The following UHRF1 variants were observed in gnomAD, a reference collection of about 807,000 sequenced individuals.
UHRF1 encodes E3 ubiquitin-protein ligase UHRF1.
UHRF1 carries 9 observed loss-of-function variants against 96.5 expected under a neutral mutation model. The observed-to-expected ratio is 0.09, with a 90% CI of 0.06 to 0.16. The LOEUF is 0.16. Among genes scored for constraint, UHRF1 ranks in the 10% least tolerant of loss-of-function variants. The probability of loss-of-function intolerance (pLI) is 1.00; values close to 1 mark genes in which losing one functional copy is unlikely to be tolerated. For missense variants in UHRF1, 626 were observed against 1,131.1 expected, an observed-to-expected ratio of 0.55 and a Z score of 6.40; for synonymous variants, 455 against 469.9, an observed-to-expected ratio of 0.97 and a Z score of 0.41.
chr19:4,951,586 G>T (rs1415269013), intron 13 of UHRF1, among the ~76,000 whole-genome samples: 1 of 151,540 alleles, frequency 6.6e-6, no homozygotes, highest in African/African-American at 2.4e-5. Flanking sequence ...TCCGCCTGCC[G>T]CATCTCAGAG....
chr19:4,956,617 G>C (rs1164095446), intron 15 of UHRF1, 92 bp from the exon 16 acceptor site: 4 of 788,958 alleles, frequency 5.1e-6, no homozygotes, highest in Non-Finnish European at 8.8e-6. Flanking sequence ...GACAGAATTA[G>C]AGGACCCAGG....
rs902422836 is a variant in UHRF1, at chr19:4,930,911, A to G, written c.569+35A>G. The stretch of plus-strand genomic sequence containing the variant: ...GGCAGGTGGGCGGGCCTGGGTATTC[A>G]GGCTCTGTGACGCGCATCCTTGGCT... On this transcript the variant is annotated intron_variant, in intron 4 of 16. Coordinates refer to ENST00000650932, the MANE Select transcript of UHRF1 (RefSeq NM_001048201.3). This position sits in a 1 kb window ranked among gnomAD's most constrained non-coding sequence, Gnocchi z 4.4. 29 of 1,610,794 alleles carry G rather than the reference A, an allele frequency of 1.8e-5. No individual in the cohort carries two copies. Among genetic ancestry groups the G allele is most frequent in the Non-Finnish European group, 2.4e-5 (28 of 1,177,942 alleles).
chr19:4,920,654 C>T (rs1220081646), intron 2 of UHRF1, among the ~76,000 whole-genome samples: 2 of 152,104 alleles, frequency 1.3e-5, no homozygotes, highest in Non-Finnish European at 2.9e-5. Context: ...CCTGGGCTCC[C>T]CTGACCCTCC....
rs558414869 is a variant in UHRF1, at chr19:4,939,006, C to T, written c.786-2522C>T. 3.8e-4 allele frequency among the ~76,000 whole-genome samples: 57 copies of T among 151,670 alleles called. No homozygotes were observed. The East Asian group carries it at 8.2e-3, about 22-fold the overall frequency. ...TTGGTTCCCTGCAACCTCCACCTCC[C>T]GGGTTCAAGCGATTCTCCTGCTTTA... On this transcript the variant is annotated intron_variant, in intron 5 of 16. Coordinates refer to ENST00000650932, the MANE Select transcript of UHRF1 (RefSeq NM_001048201.3).
chr19:4,916,682 T>C (rs1008942639), intron 2 of UHRF1, among the ~76,000 whole-genome samples: 11 of 152,216 alleles, frequency 7.2e-5, no homozygotes, highest in Non-Finnish European at 1.6e-4. Flanking sequence ...CCTCCGTGTC[T>C]AGGATCCTCC....
chr19:4,914,342 C>A (rs571986182), intron 2 of UHRF1, among the ~76,000 whole-genome samples: 42 of 152,218 alleles, frequency 2.8e-4, no homozygotes, highest in African/African-American at 1.0e-3. Context: ...AACACAGTTC[C>A]CGGTGGGCAC....
intron 5 of UHRF1, among the ~76,000 whole-genome samples, chr19:4,934,617 T>C (rs555750893): frequency 1.4e-4 from 22 of 152,352 alleles, no homozygotes; most frequent in Middle Eastern, 6.8e-3. Flanking sequence ...CATCAGGCTG[T>C]AGCCTGGTCG....
In UHRF1 at chr19:4,947,791, G is replaced by A. The variant is rs561760924; in HGVS notation, c.1517+580G>A. On this transcript the variant is annotated intron_variant, in intron 11 of 16. Transcript: ENST00000650932. ...TGGTATTACAGGCATGAGCCACTGC[G>A]CCTGGCTGATAGTAGGTATCTTAAT... Among the ~76,000 whole-genome samples the A allele has an allele frequency of 3.3e-5, 5 of 152,050 alleles. No homozygotes were observed. In the East Asian group the frequency reaches 5.8e-4, roughly 18 times the overall value.
chr19:4,910,623 T>G, intron 1 of UHRF1: 1 of 381,626 alleles, frequency 2.6e-6, no homozygotes. Flanking sequence ...CCTTCTGCTT[T>G]TCTTTCAATT....
chr19:4,949,003 C>T (rs1235266408), intron 11 of UHRF1, among the ~76,000 whole-genome samples: 1 of 136,002 alleles, frequency 7.4e-6, no homozygotes, highest in African/African-American at 2.8e-5. Flanking sequence ...GGTATGGTGA[C>T]AAGTGCCTAT....
At chr19:4,929,961 C>T (rs1010114843) in intron 3 of UHRF1, among the ~76,000 whole-genome samples, 1 of 151,578 alleles carries the variant, frequency 6.6e-6, no homozygotes, top group African/African-American at 2.4e-5. Context: ...CCACCACGCC[C>T]AGCTAATTTT....
Position 4,929,287 on chromosome 19 carries a change from C to T in UHRF1, c.219C>T (p.Val73=). The change falls in exon 3 of 17, where the codon GTC becomes GTT. Residue 73 remains valine, a synonymous_variant. Coordinates refer to ENST00000650932, the MANE Select transcript of UHRF1 (RefSeq NM_001048201.3). ...TGAATGACACCATCCAGCTCCTGGT[C>T]CGCCAGAGCCTCGTGCTCCCCCACA... The part of the protein sequence containing the change: ...VRLNDTIQLL[V]RQSLVLPHST... The T allele has an allele frequency of 6.2e-7, 1 of 1,613,942 alleles. No individual in the cohort carries two copies. Among genetic ancestry groups the T allele is most frequent in the Non-Finnish European group, 8.5e-7 (1 of 1,179,904 alleles).
chr19:4,949,199 G>C (rs1244779301), intron 11 of UHRF1, among the ~76,000 whole-genome samples: 5 of 152,066 alleles, frequency 3.3e-5, no homozygotes, highest in African/African-American at 1.2e-4. Context: ...TGAGGCTGTG[G>C]TGAGATACTA....
intron 4 of UHRF1, among the ~76,000 whole-genome samples, chr19:4,932,306 G>A (rs1263505899): frequency 1.3e-5 from 2 of 152,212 alleles, no homozygotes; most frequent in African/African-American, 4.8e-5. Flanking sequence ...GACCTCAGGT[G>A]ATCTTCCCGC....
intron 2 of UHRF1, among the ~76,000 whole-genome samples, chr19:4,913,490 G>A (rs1288134759): frequency 1.3e-5 from 2 of 151,974 alleles, no homozygotes; most frequent in Non-Finnish European, 2.9e-5. Flanking sequence ...CCTGACCTCA[G>A]GTGATCCACC....
Position 4,929,492 on chromosome 19 carries a change from G to T in UHRF1, c.408+16G>T, listed in dbSNP as rs775243275. 2.9e-5 allele frequency: 46 copies of T among 1,603,604 alleles called. No homozygotes were observed. Among genetic ancestry groups the T allele is most frequent in the Non-Finnish European group, 3.9e-5 (46 of 1,172,936 alleles). ...GCTGTACAAGGTGAGCCTCCCCTCC[G>T]CAGCTGCTCTGGGGTTGGACGTTCT... is the stretch of plus-strand genomic sequence containing the variant. On this transcript the variant is annotated intron_variant, in intron 3 of 16. Transcript: ENST00000650932.
chr19:4,911,109 A>G lies in UHRF1; in HGVS notation c.153+71A>G, dbSNP rs1331591786. 5 of 1,379,428 alleles carry G rather than the reference A, an allele frequency of 3.6e-6. No homozygotes were observed. In the East Asian group the frequency reaches 1.0e-4, roughly 29 times the overall value. 85.4% of individuals were successfully genotyped at this position (1,379,428 alleles called of 1,614,324 possible). ...CGCGCCTCTGCAGCCACCAGCCGAT[A>G]CTTTCTCCCTCCCACCTCCCCCCCC... is the stretch of plus-strand genomic sequence containing the variant. On this transcript the variant is annotated intron_variant, in intron 2 of 16. Coordinates refer to ENST00000650932, the MANE Select transcript of UHRF1 (RefSeq NM_001048201.3).
At chr19:4,956,649 C>CT (rs2033863999) in intron 15 of UHRF1, 60 bp from the exon 16 acceptor site, 2 of 1,081,842 alleles carry the variant, frequency 1.8e-6, no homozygotes, top group African/African-American at 3.1e-5. Flanking sequence ...CAGGAAGCCA[C>CT]TGATCTGTGG....
intron 5 of UHRF1, 22 bp from the exon 6 acceptor site, chr19:4,941,506 C>G: frequency 6.3e-7 from 1 of 1,597,958 alleles, no homozygotes; most frequent in South Asian, 1.1e-5. Context: ...CCAGAATGTT[C>G]CAGCGTCCTC....
Sources: gnomAD v4.1 joint callset for allele counts (sites outside exome capture counted in the v4.1 genomes callset) on GRCh38, gnomAD v4.1.1 for gene constraint, Gnocchi (gnomAD v3.1) non-coding constraint, MANE v1.5 for transcripts, NCBI Gene and HGNC (gene_info 2026-07-23, HGNC 2026-07-21) for gene names.